BRWD1: variants seen among roughly 807,000 people sequenced by gnomAD.
The protein encoded by BRWD1 is bromodomain and WD repeat domain containing 1.
A neutral mutation model predicts 251.2 loss-of-function variants in BRWD1; 82 were observed. The observed-to-expected ratio is 0.33, with a 90% CI of 0.27 to 0.39. BRWD1 has a LOEUF of 0.39. BRWD1 is among the 10% of genes least tolerant of loss of function. BRWD1 has a pLI of 1.00. For synonymous variants in BRWD1, 918 were observed against 902.8 expected (o/e 1.02, Z -0.30); for missense variants, 2,233 against 2,711.6 (o/e 0.82, Z 3.92).
chr21:39,319,818 C>T (rs752449547), intron 1 of BRWD1, among the ~76,000 whole-genome samples: 8 of 152,176 alleles, frequency 5.3e-5, no homozygotes, highest in African/African-American at 1.4e-4. Context: ...TTAAAGTTCT[C>T]CCTGACTCTC....
intron 7 of BRWD1, among the ~76,000 whole-genome samples, chr21:39,294,591 C>T (rs2035902490): frequency 1.3e-5 from 2 of 149,878 alleles, no homozygotes; most frequent in African/African-American, 4.9e-5. Flanking sequence ...GGAGACAGAG[C>T]TTGCAGTGAG....
intron 8 of BRWD1, among the ~76,000 whole-genome samples, chr21:39,289,785 GAGGCC>G (rs1406054708): frequency 4.6e-5 from 7 of 152,118 alleles, no homozygotes; most frequent in South Asian, 2.1e-4. Flanking sequence ...AGCACTTTGC[GAGGCC>G]GAGGCGGGCG....
chr21:39,301,731 C>G (rs1231548907), intron 4 of BRWD1, among the ~76,000 whole-genome samples: 1 of 152,020 alleles, frequency 6.6e-6, no homozygotes, highest in African/African-American at 2.4e-5. Flanking sequence ...AGCAATAGAT[C>G]ATGACTACAG....
intron 31 of BRWD1, chr21:39,217,058 TATATATATATATATATATATA>T (rs2032960951): frequency 6.7e-5 from 1 of 14,884 alleles, no homozygotes; most frequent in Non-Finnish European, 1.4e-4. Flanking sequence ...TATTTATATA[TATATATATATATATATATATA>T]TATATTTTTT....
chr21:39,306,062 C>G (rs1038611338), intron 4 of BRWD1, among the ~76,000 whole-genome samples: 13 of 149,478 alleles, frequency 8.7e-5, no homozygotes, highest in Admixed American at 8.0e-4. Flanking sequence ...GACTAGTTAT[C>G]TTTAAGTATC....
Position 39,218,240 on chromosome 21 carries a change from A to C in BRWD1, c.3571T>G (p.Leu1191Val). 1 of 1,611,018 alleles carries C rather than the reference A, an allele frequency of 6.2e-7. No homozygotes were observed. The highest frequency in any genetic ancestry group is 2.2e-5 in the East Asian group (1 of 44,832). ...IAAAFAGPVD[L>V]CTYPKYCTVV... ...GTACAGTACTTCGGGTATGTACACAAATCAACAGGGCCTGCAAAAGCTGCT... is the reference window on the plus strand; with the variant it reads ...GTACAGTACTTCGGGTATGTACACACATCAACAGGGCCTGCAAAAGCTGCT... Residue 1191 changes from leucine to valine, a missense_variant, in exon 31 of 41, where the codon TTG (leucine) becomes GTG (valine). Physicochemically the swap from Leu to Val is conservative, Grantham distance 32. Around this residue, in one of 12 missense-constraint regions of BRWD1, gnomAD observed 167 missense variants for 183.2 expected, o/e 0.91. Coordinates refer to ENST00000342449, the MANE Select transcript of BRWD1 (RefSeq NM_033656.4).
chr21:39,310,460 G>A (rs1046966403), intron 4 of BRWD1, among the ~76,000 whole-genome samples: 1 of 152,136 alleles, frequency 6.6e-6, no homozygotes, highest in African/African-American at 2.4e-5. Context: ...CCAACAGGGT[G>A]AAACCCCATC....
chr21:39,187,952 T>C lies in BRWD1; in HGVS notation c.*8307A>G. 1 of 984,744 alleles carries C rather than the reference T, an allele frequency of 1.0e-6. No homozygotes were observed. Among genetic ancestry groups the C allele is most frequent in the Non-Finnish European group, 1.2e-6 (1 of 829,398 alleles). The allele number at this position is 984,744 out of a possible 1,614,324, so 61.0% of individuals were successfully genotyped here. Reference sequence around the variant, plus strand: ...ACGAGAGGTGAAAATTGTGAAGGGATTTGCCAGACAAAAAGCACTTTGGAG... The same window carrying C: ...ACGAGAGGTGAAAATTGTGAAGGGACTTGCCAGACAAAAAGCACTTTGGAG... On this transcript the variant is annotated 3_prime_UTR_variant, in exon 41 of 41. Transcript: ENST00000342449.
intron 4 of BRWD1, among the ~76,000 whole-genome samples, chr21:39,302,494 G>T (rs544044209): frequency 1.3e-5 from 2 of 152,108 alleles, no homozygotes; most frequent in African/African-American, 4.8e-5. Flanking sequence ...CAGTGGCTCA[G>T]ACTTGTAATC....
chr21:39,229,267 G>T (rs762329981), intron 26 of BRWD1, 45 bp downstream of exon 26: 1 of 1,502,196 alleles, frequency 6.7e-7, no homozygotes, highest in Admixed American at 1.8e-5. Flanking sequence ...CAGCAAAATG[G>T]CAAATTTAAA....
rs1351063220 is a variant in BRWD1 at position 39,258,805 on chromosome 21, A to T, written c.1886-133T>A. The T allele has an allele frequency of 5.3e-6, 3 of 564,058 alleles. No homozygotes were observed. The East Asian group carries it at 9.5e-5, about 18-fold the overall frequency. 34.9% of individuals were successfully genotyped at this position (564,058 alleles called of 1,614,324 possible). On this transcript the variant is annotated intron_variant, in intron 17 of 40. Coordinates refer to ENST00000342449, the MANE Select transcript of BRWD1 (RefSeq NM_033656.4). ...TTTGAAAAATAACCAGTTTAAAAAG[A>T]TACTCTACATATTCACCAAGAAGTC...
upstream of BRWD1, among the ~76,000 whole-genome samples, chr21:39,317,971 G>A (rs746775798): frequency 8.5e-5 from 13 of 152,142 alleles, no homozygotes; most frequent in Non-Finnish European, 1.5e-4. Flanking sequence ...GATCACTTGA[G>A]CCCAGGAGTT....
In BRWD1 at chr21:39,187,489, C is replaced by T. The variant is rs536236712; in HGVS notation, c.*8770G>A. On this transcript the variant is annotated 3_prime_UTR_variant, in exon 41 of 41. Coordinates refer to ENST00000342449, the MANE Select transcript of BRWD1 (RefSeq NM_033656.4). ...CAAGATTTTACTACTGCTAACATTC[C>T]TCAACAACACTCATTCGGAAACAAT... The T allele has an allele frequency of 2.2e-5, 33 of 1,476,974 alleles. No homozygotes were observed. The South Asian group carries it at 4.0e-4, about 18-fold the overall frequency. The allele number at this position is 1,476,974 out of a possible 1,614,324, so 91.5% of individuals were successfully genotyped here.
chr21:39,233,297 C>G (rs1458731797), intron 23 of BRWD1, among the ~76,000 whole-genome samples: 1 of 152,162 alleles, frequency 6.6e-6, no homozygotes, highest in East Asian at 1.9e-4. Flanking sequence ...CCAGTCAAAT[C>G]AGCTCCCAGT....
At chr21:39,290,143 C>T (rs992125034) in intron 8 of BRWD1, among the ~76,000 whole-genome samples, 2 of 152,006 alleles carry the variant, frequency 1.3e-5, no homozygotes. Context: ...GCCTCAATTC[C>T]ACTTCACTAA....
intron 25 of BRWD1, among the ~76,000 whole-genome samples, chr21:39,230,292 T>C (rs1395067023): frequency 6.6e-6 from 1 of 152,162 alleles, no homozygotes; most frequent in Non-Finnish European, 1.5e-5. Flanking sequence ...TTCCCCCCAG[T>C]GTCTGCTTCT....
intron 9 of BRWD1, among the ~76,000 whole-genome samples, chr21:39,279,322 T>C (rs1483705631): frequency 6.6e-6 from 1 of 152,176 alleles, no homozygotes; most frequent in Non-Finnish European, 1.5e-5. Flanking sequence ...AAATTTCACA[T>C]ACTCGTTATT....
intron 4 of BRWD1, among the ~76,000 whole-genome samples, chr21:39,306,848 T>C (rs1057341596): frequency 2.0e-5 from 3 of 152,322 alleles, no homozygotes; most frequent in East Asian, 3.9e-4. Flanking sequence ...TAATTGATAA[T>C]TGAAAATTTG....
chr21:39,208,167 T>C (rs906591063), intron 36 of BRWD1, among the ~76,000 whole-genome samples: 4 of 152,224 alleles, frequency 2.6e-5, no homozygotes, highest in African/African-American at 9.6e-5. Flanking sequence ...CAATGTACTA[T>C]ACCAAAAACC....
Sources: allele counts gnomAD v4.1 joint callset (sites outside exome capture counted in the v4.1 genomes callset), GRCh38; gene constraint gnomAD v4.1.1; regional missense constraint gnomAD v4.1.1; transcripts MANE v1.5; gene names NCBI Gene and HGNC (gene_info 2026-07-23, HGNC 2026-07-21).